The following CA10 variants were observed in gnomAD, a reference collection of about 807,000 sequenced individuals.
The protein encoded by CA10 is carbonic anhydrase-related protein 10.
Under a neutral mutation model 44.2 loss-of-function variants are expected in CA10, and 14 were observed. The observed-to-expected ratio is 0.32, with a 90% CI of 0.21 to 0.50. The LOEUF (loss-of-function observed/expected upper bound fraction) is 0.50, where lower values mean the gene tolerates loss of function less well. Ranked by LOEUF, CA10 falls within the 20% of genes least tolerant of loss-of-function variation. The pLI, the probability that CA10 is intolerant of heterozygous loss-of-function variation, is 0.99. For synonymous variants in CA10, 159 were observed against 141.6 expected, an observed-to-expected ratio of 1.12 and a Z score of -0.87; for missense variants, 350 against 409.7, an observed-to-expected ratio of 0.85 and a Z score of 1.26.
intron 3 of CA10, among the ~76,000 whole-genome samples, chr17:51,821,800 A>C (rs1907812859): frequency 6.6e-6 from 1 of 152,140 alleles, no homozygotes; most frequent in African/African-American, 2.4e-5. Flanking sequence ...TAGGGCAGAA[A>C]AGCACAGAGC....
chr17:52,062,065 C>CTTTTTT lies in CA10; in HGVS notation c.136+10248_136+10253dup, dbSNP rs56369087. On this transcript the variant is annotated intron_variant, in intron 2 of 8. Coordinates refer to ENST00000451037, the MANE Select transcript of CA10 (RefSeq NM_020178.5). ...AAGCTTTCAAGAAGTGGTGTGGCCACTTTTTTTTTTTTTTTTTTTTGAGAT... is the reference window on the plus strand; with the variant it reads ...AAGCTTTCAAGAAGTGGTGTGGCCACTTTTTTTTTTTTTTTTTTTTTTTTTTGAGAT... 8.6e-5 allele frequency among the ~76,000 whole-genome samples: 10 copies of CTTTTTT among 115,792 alleles called. No individual in the cohort carries two copies. The South Asian group carries it at 1.7e-3, about 20-fold the overall frequency. The allele number at this position is 115,792 out of a possible 152,430, so 76.0% of individuals were successfully genotyped here.
intron 4 of CA10, among the ~76,000 whole-genome samples, chr17:51,675,514 AC>A (rs1443537464): frequency 6.1e-5 from 9 of 146,996 alleles, no homozygotes; most frequent in Non-Finnish European, 1.5e-5. Flanking sequence ...GCGCCACCGC[AC>A]TCCAGCCTGG....
intron 2 of CA10, among the ~76,000 whole-genome samples, chr17:52,058,571 G>A (rs1987292575): frequency 6.6e-6 from 1 of 152,148 alleles, no homozygotes; most frequent in African/African-American, 2.4e-5. Flanking sequence ...TCTCATAAAT[G>A]AAATGATAAA....
At chr17:51,922,459 C>A (rs980047286) in intron 3 of CA10, among the ~76,000 whole-genome samples, 2 of 152,144 alleles carry the variant, frequency 1.3e-5, no homozygotes, top group Admixed American at 6.6e-5. Flanking sequence ...AAGTGCTCCT[C>A]ATTTTCTGGA....
chr17:51,848,610 C>A (rs1348128272), intron 3 of CA10, among the ~76,000 whole-genome samples: 1 of 152,220 alleles, frequency 6.6e-6, no homozygotes, highest in Non-Finnish European at 1.5e-5. Flanking sequence ...AAATGTTCAG[C>A]AAGCACCTCC....
chr17:52,057,200 G>C (rs1248933207), intron 2 of CA10, among the ~76,000 whole-genome samples: 1 of 151,916 alleles, frequency 6.6e-6, no homozygotes, highest in Non-Finnish European at 1.5e-5. Flanking sequence ...TACGTAGGTC[G>C]ACTTATACAC....
At chr17:51,647,082 CTTCTATTTGCAT>C (rs1168579668) in intron 6 of CA10, among the ~76,000 whole-genome samples, 2 of 152,004 alleles carry the variant, frequency 1.3e-5, no homozygotes, top group African/African-American at 4.8e-5. Flanking sequence ...CTCCTGCTGT[CTTCTATTTGCAT>C]TTCTAGGAAT....
intron 3 of CA10, among the ~76,000 whole-genome samples, chr17:51,819,041 G>A (rs1280200284): frequency 1.3e-5 from 2 of 152,068 alleles, no homozygotes; most frequent in African/African-American, 4.8e-5. Flanking sequence ...TCATCCTGAG[G>A]TCCATAAAAA....
chr17:52,135,389 T>A (rs1482385414), intron 1 of CA10, among the ~76,000 whole-genome samples: 3 of 152,162 alleles, frequency 2.0e-5, no homozygotes, highest in Non-Finnish European at 2.9e-5. Context: ...CTGCTTCACC[T>A]TTTGACATCA....
At chr17:51,959,376 C>T (rs1156850193) in intron 2 of CA10, among the ~76,000 whole-genome samples, 1 of 150,942 alleles carries the variant, frequency 6.6e-6, no homozygotes, top group African/African-American at 2.4e-5. Flanking sequence ...GTTTTGCCCT[C>T]AAGGGAAGCA....
intron 3 of CA10, among the ~76,000 whole-genome samples, chr17:51,832,972 T>C (rs902824083): frequency 3.3e-5 from 5 of 152,064 alleles, no homozygotes; most frequent in African/African-American, 1.2e-4. Context: ...TGAGGTTCTT[T>C]TCAGTTCTAA....
chr17:52,001,012 G>A (rs1057254121), intron 2 of CA10, among the ~76,000 whole-genome samples: 2 of 151,934 alleles, frequency 1.3e-5, no homozygotes, highest in Non-Finnish European at 2.9e-5. Context: ...GCTAAGATAA[G>A]TAAGCTGCTG....
At chr17:51,900,673 A>G (rs374642275) in intron 3 of CA10, among the ~76,000 whole-genome samples, 8 of 152,048 alleles carry the variant, frequency 5.3e-5, no homozygotes, top group African/African-American at 1.9e-4. Flanking sequence ...TAAGTAGCAG[A>G]TTTTATTTCT....
chr17:52,076,550 A>G (rs1003134236), intron 1 of CA10, among the ~76,000 whole-genome samples: 1 of 152,228 alleles, frequency 6.6e-6, no homozygotes. Context: ...ATGTCTATCA[A>G]TTACAAAATT....
intron 2 of CA10, among the ~76,000 whole-genome samples, chr17:51,949,170 T>A (rs540049611): frequency 6.6e-6 from 1 of 152,304 alleles, no homozygotes; most frequent in South Asian, 2.1e-4. Flanking sequence ...TTAGTTGGGA[T>A]TGCAATAACT....
At chr17:52,028,450 T>C (rs935981328) in intron 2 of CA10, among the ~76,000 whole-genome samples, 1 of 152,194 alleles carries the variant, frequency 6.6e-6, no homozygotes, top group African/African-American at 2.4e-5. Context: ...TTTGTGGCAT[T>C]TCAGTGAAAT....
intron 3 of CA10, among the ~76,000 whole-genome samples, chr17:51,886,669 G>T (rs7208129): frequency 0.11 from 17,096 of 152,218 alleles, 1,324 homozygotes; most frequent in African/African-American, 0.23. Flanking sequence ...TTGGGTGTCT[G>T]TGTAGGTGTT....
At chr17:51,643,401 T>A (rs1237458890) in intron 6 of CA10, among the ~76,000 whole-genome samples, 1 of 152,236 alleles carries the variant, frequency 6.6e-6, no homozygotes, top group African/African-American at 2.4e-5. Context: ...TATTTTTCAA[T>A]GTCATGATTT....
rs796702429 is a variant in CA10, at chr17:52,062,482, G to T, written c.136+9837C>A. On this transcript the variant is annotated intron_variant, in intron 2 of 8. Coordinates refer to ENST00000451037, the MANE Select transcript of CA10 (RefSeq NM_020178.5). Reference sequence around the variant, plus strand: ...AAAGAGTCAAAAAAATTGGAAAAAGGTTTTTCAGAAATCTTTGTAGCCCCC... The same window carrying T: ...AAAGAGTCAAAAAAATTGGAAAAAGTTTTTTCAGAAATCTTTGTAGCCCCC... 7.9e-5 allele frequency among the ~76,000 whole-genome samples: 12 copies of T among 152,230 alleles called. 2 individuals carry two copies. The highest frequency in any genetic ancestry group is 2.4e-4 in the African/African-American group (10 of 41,542).
Sources: gnomAD v4.1 joint callset for allele counts (sites outside exome capture counted in the v4.1 genomes callset) on GRCh38, gnomAD v4.1.1 for gene constraint, MANE v1.5 for transcripts, NCBI Gene and HGNC (gene_info 2026-07-23, HGNC 2026-07-21) for gene names.